Variants in SETDB1 observed in about 807,000 individuals in gnomAD.
The protein encoded by SETDB1 is histone-lysine N-methyltransferase SETDB1.
SETDB1 carries 31 observed loss-of-function variants against 137.4 expected under a neutral mutation model. The observed-to-expected ratio is 0.23, with a 90% confidence interval of 0.17 to 0.30. The LOEUF (loss-of-function observed/expected upper bound fraction) is 0.30, where lower values mean the gene tolerates loss of function less well. Among genes scored for constraint, SETDB1 ranks in the 10% least tolerant of loss-of-function variants. SETDB1 has a pLI of 1.00. For missense variants in SETDB1, 1,113 were observed against 1,631.5 expected (o/e 0.68, Z 5.47); for synonymous variants, 548 against 579.9 (o/e 0.95, Z 0.79).
rs1670416870 is a variant in SETDB1 at position 150,949,015 on chromosome 1, A to G, written c.1268-107A>G. On this transcript the variant is annotated intron_variant, in intron 10 of 21. Transcript: ENST00000692827. ...ATTACAGGCAAGAGCCACTGCGCCC[A>G]GCCATTGCTTCCTTTTTATATTGTA... 4 of 1,158,170 alleles carry G rather than the reference A, an allele frequency of 3.5e-6. No homozygotes were observed. In the Admixed American group the frequency reaches 8.8e-5, roughly 25 times the overall value. The allele number at this position is 1,158,170 out of a possible 1,614,324, so 71.7% of individuals were successfully genotyped here.
At chr1:150,932,266 C>T (rs587707774) in intron 3 of SETDB1, among the ~76,000 whole-genome samples, 1 of 150,482 alleles carries the variant, frequency 6.6e-6, no homozygotes, top group South Asian at 2.1e-4. Context: ...ATTTTTACAT[C>T]TGTTTCATGA....
In SETDB1 at chr1:150,949,529, A is replaced by G. The variant is rs1670436641; in HGVS notation, c.1583+4A>G. ...CTGGGATCAACCAGACATATAGGTG[A>G]GAAAATCTGAGGCTCTCTGTAGGCA... On this transcript the variant is annotated splice_donor_region_variant and intron_variant, in intron 12 of 21. Transcript: ENST00000692827. 6.2e-7 allele frequency: 1 copy of G among 1,613,496 alleles called. No individual in the cohort carries two copies. Among genetic ancestry groups the G allele is most frequent in the Non-Finnish European group, 8.5e-7 (1 of 1,179,766 alleles).
At chr1:150,942,814 G>T (rs1336524489) in intron 6 of SETDB1, 38 bp from the exon 7 acceptor site, 16 of 1,602,532 alleles carry the variant, frequency 1.0e-5, no homozygotes, top group Non-Finnish European at 1.3e-5. Context: ...ACAGAAACTG[G>T]CAGTGTTTAA....
chr1:150,946,777 AT>A, intron 9 of SETDB1, 108 bp from the exon 10 acceptor site: 1 of 1,305,146 alleles, frequency 7.7e-7, no homozygotes, highest in South Asian at 1.3e-5. Context: ...TTTAAGGCTC[AT>A]CAGGGAGGAT....
At position 150,963,754 on chromosome 1, in the gene SETDB1, T is replaced by TC. The variant is rs1194639413; in HGVS notation, c.3672+17dup. ...CCGCTACCTCAACGTGAGACCCCTC[T>TC]CCCCACCTCTAGATGCTGGATTATC... is the stretch of plus-strand genomic sequence containing the variant. On this transcript the variant is annotated intron_variant, in intron 20 of 21. Coordinates refer to ENST00000692827, the MANE Select transcript of SETDB1 (RefSeq NM_001366418.1). 7 of 1,611,936 alleles carry TC rather than the reference T, an allele frequency of 4.3e-6. No individual in the cohort carries two copies. The highest frequency in any genetic ancestry group is 4.2e-6 in the Non-Finnish European group (5 of 1,178,034).
intron 3 of SETDB1, among the ~76,000 whole-genome samples, chr1:150,934,708 C>T (rs1669894144): frequency 6.6e-6 from 1 of 152,134 alleles, no homozygotes; most frequent in Non-Finnish European, 1.5e-5. Flanking sequence ...TCCTGTGGAT[C>T]TGAGTTATCA....
intron 3 of SETDB1, among the ~76,000 whole-genome samples, chr1:150,936,084 T>A (rs1044186156): frequency 6.6e-6 from 1 of 152,202 alleles, no homozygotes; most frequent in Non-Finnish European, 1.5e-5. Context: ...CTTCCCGGTT[T>A]CACACCATTC....
At chr1:150,953,788 C>T (rs192078276) in intron 14 of SETDB1, among the ~76,000 whole-genome samples, 6 of 152,010 alleles carry the variant, frequency 3.9e-5, no homozygotes, top group African/African-American at 1.4e-4. Flanking sequence ...GAGATTGCAC[C>T]ACTGCACTCC....
intron 3 of SETDB1, among the ~76,000 whole-genome samples, chr1:150,932,402 T>C (rs756511026): frequency 1.3e-5 from 2 of 152,296 alleles, no homozygotes; most frequent in East Asian, 3.9e-4. Context: ...TATTTCTTCC[T>C]AAAAAGTTTG....
chr1:150,964,662 A>T lies in SETDB1; in HGVS notation c.*298A>T, dbSNP rs1043620428. ...CCTGCTTCTAACAGACTTTGTTCTT[A>T]GAATGGAGCCTGTGTATCTACTATC... On this transcript the variant is annotated 3_prime_UTR_variant, in exon 22 of 22. Coordinates refer to ENST00000692827, the MANE Select transcript of SETDB1 (RefSeq NM_001366418.1). 1.7e-6 allele frequency: 1 copy of T among 604,614 alleles called. No individual in the cohort carries two copies. Among genetic ancestry groups the T allele is most frequent in the Non-Finnish European group, 2.9e-6 (1 of 339,170 alleles). 37.5% of individuals were successfully genotyped at this position (604,614 alleles called of 1,614,324 possible). A position where few individuals can be genotyped will look rare whatever the true frequency, so the allele number is the denominator to read the frequency against.
chr1:150,931,617 A>G (rs1185301970), intron 3 of SETDB1, among the ~76,000 whole-genome samples: 1 of 141,784 alleles, frequency 7.1e-6, no homozygotes, highest in Middle Eastern at 3.2e-3. Flanking sequence ...ATAATAAAAA[A>G]AAATTAAAAA....
chr1:150,951,137 G>C, intron 13 of SETDB1, 47 bp downstream of exon 13: 1 of 1,565,296 alleles, frequency 6.4e-7, no homozygotes, highest in Admixed American at 1.8e-5. Context: ...ACTTTGTTAT[G>C]GTGTCTGTTT....
At chr1:150,944,205 G>C (rs1033910612) in intron 8 of SETDB1, among the ~76,000 whole-genome samples, 6 of 152,202 alleles carry the variant, frequency 3.9e-5, no homozygotes, top group African/African-American at 1.4e-4. Context: ...TGTAGACAAA[G>C]AGTGAGACAC....
Position 150,927,895 on chromosome 1 carries a change from C to T in SETDB1, c.181C>T (p.Leu61=), listed in dbSNP as rs1420618858. The change falls in exon 2 of 22, where the codon CTA becomes TTA. Residue 61 remains leucine, a synonymous_variant. Coordinates refer to ENST00000692827, the MANE Select transcript of SETDB1 (RefSeq NM_001366418.1). ...TTGTGTACAGCAACGCAAGAAGCAG[C>T]TAGCAGAGTTAGAGACATGGGTAAT... ...MDCVQQRKKQ[L]AELETWVIQK... is the part of the protein sequence containing the mutation. 1 of 1,614,166 alleles carries T rather than the reference C, an allele frequency of 6.2e-7. No individual in the cohort carries two copies. Among genetic ancestry groups the T allele is most frequent in the South Asian group, 1.1e-5 (1 of 91,076 alleles).
chr1:150,956,214 C>T (rs587644568), intron 14 of SETDB1, among the ~76,000 whole-genome samples: 6 of 151,892 alleles, frequency 4.0e-5, no homozygotes, highest in African/African-American at 1.2e-4. Context: ...GTTGAAACCC[C>T]GTCTCTACTA....
chr1:150,938,799 C>T (rs981916734), intron 3 of SETDB1, among the ~76,000 whole-genome samples: 9 of 131,972 alleles, frequency 6.8e-5, no homozygotes, highest in Middle Eastern at 9.4e-3. Flanking sequence ...CCACCACCAT[C>T]GGCCTACACG....
chr1:150,961,310 C>G, intron 16 of SETDB1, 119 bp downstream of exon 16: 1 of 1,051,610 alleles, frequency 9.5e-7, no homozygotes, highest in East Asian at 2.6e-5. Context: ...TCTGTGGCCA[C>G]CTCGTTATCT....
intron 8 of SETDB1, 44 bp downstream of exon 8, chr1:150,944,037 C>T (rs1247482675): frequency 3.2e-6 from 4 of 1,267,576 alleles, no homozygotes; most frequent in Non-Finnish European, 4.6e-6. Flanking sequence ...TTCTCCTCTA[C>T]CTTGTATTTC....
chr1:150,955,161 T>C (rs1000147782), intron 14 of SETDB1, among the ~76,000 whole-genome samples: 4 of 152,246 alleles, frequency 2.6e-5, no homozygotes, highest in African/African-American at 4.8e-5. Context: ...ATCATGTATG[T>C]TTTAATTATT....
Sources: gnomAD v4.1 joint callset for allele counts (sites outside exome capture counted in the v4.1 genomes callset) on GRCh38, gnomAD v4.1.1 for gene constraint, MANE v1.5 for transcripts, NCBI Gene and HGNC (gene_info 2026-07-23, HGNC 2026-07-21) for gene names.